The following CCND2 variants were observed in gnomAD, a reference collection of about 807,000 sequenced individuals.
CCND2 encodes the protein cyclin D2.
Under a neutral mutation model 30.2 loss-of-function variants are expected in CCND2, and 6 were observed. The ratio of observed to expected loss-of-function variants is 0.20; its 90% CI spans 0.11 to 0.39. The LOEUF (loss-of-function observed/expected upper bound fraction) is 0.39. CCND2 is among the 10% of genes least tolerant of loss of function. The probability of loss-of-function intolerance (pLI) is 1.00; values close to 1 mark genes in which losing one functional copy is unlikely to be tolerated. For synonymous variants in CCND2, 150 were observed against 153.1 expected (o/e 0.98, Z 0.15); for missense variants, 235 against 373.4 (o/e 0.63, Z 3.06).
In CCND2 at chr12:4,287,645, A is replaced by G. The variant is rs1436246309; in HGVS notation, c.572-1197A>G. Among the ~76,000 whole-genome samples, 3 of 152,284 alleles carry G rather than the reference A, an allele frequency of 2.0e-5. No individual in the cohort carries two copies. The highest frequency in any genetic ancestry group is 1.9e-4 in the East Asian group (1 of 5,184). On this transcript the variant is annotated intron_variant, in intron 3 of 4. Coordinates refer to ENST00000261254, the MANE Select transcript of CCND2 (RefSeq NM_001759.4). This position sits in a 1 kb window ranked among gnomAD's most constrained non-coding sequence, Gnocchi z 4.0. ...CGAGCAGGGGCAACTTAAACTCTCA[A>G]AAGTCTCAGGGTTCTCACCCATACC... is the stretch of plus-strand genomic sequence containing the variant.
At chr12:4,294,819 A>G (rs1295569225) in intron 4 of CCND2, among the ~76,000 whole-genome samples, 2 of 152,190 alleles carry the variant, frequency 1.3e-5, no homozygotes, top group East Asian at 3.9e-4. Flanking sequence ...GTCTTCTTAT[A>G]ATCCAGCCCC....
intron 4 of CCND2, among the ~76,000 whole-genome samples, chr12:4,294,243 C>G (rs923118836): frequency 6.6e-6 from 1 of 151,216 alleles, no homozygotes; most frequent in Non-Finnish European, 1.5e-5. Context: ...ATCACAAACA[C>G]TGCTGTGAGG....
intron 4 of CCND2, among the ~76,000 whole-genome samples, chr12:4,290,542 T>C (rs1354979262): frequency 6.6e-6 from 1 of 152,168 alleles, no homozygotes; most frequent in Non-Finnish European, 1.5e-5. Context: ...CCTCAATGCC[T>C]GGAGACAAAA....
rs377148885 is a variant in CCND2 at position 4,296,815 on chromosome 12, GA to G, written c.721-3037del. Among the ~76,000 whole-genome samples, 227 of 151,812 alleles carry G rather than the reference GA, an allele frequency of 1.5e-3. 2 individuals carry two copies. The highest frequency in any genetic ancestry group is 4.9e-3 in the African/African-American group (201 of 41,400). ...GGATTCAATGGATTCTTCTTTGCAA[GA>G]AAAAAAACAAAACAAAAAAACAGAG... is the stretch of plus-strand genomic sequence containing the variant. On this transcript the variant is annotated intron_variant, in intron 4 of 4. Transcript: ENST00000261254.
chr12:4,279,018 G>C (rs575346881), intron 3 of CCND2, 99 bp downstream of exon 3: 1 of 1,217,870 alleles, frequency 8.2e-7, no homozygotes, highest in Non-Finnish European at 1.1e-6. Context: ...TTTAGTTCAG[G>C]AGTTTGGAGG....
In CCND2 at chr12:4,276,339, T is replaced by C; in HGVS notation, c.411+119T>C. 1 of 778,514 alleles carries C rather than the reference T, an allele frequency of 1.3e-6. No homozygotes were observed. The highest frequency in any genetic ancestry group is 1.8e-5 in the South Asian group (1 of 56,726). 48.2% of individuals were successfully genotyped at this position (778,514 alleles called of 1,614,324 possible). A position where few individuals can be genotyped will look rare whatever the true frequency, so the allele number is the denominator to read the frequency against. On this transcript the variant is annotated intron_variant, in intron 2 of 4. Transcript: ENST00000261254. The surrounding 1 kb of genome is among the most constrained non-coding windows in gnomAD (Gnocchi z 4.8). ...TTGGGATCCAGAATGACCCCACCAA[T>C]AGAATTTACCCACTTATGGGCGATA...
Position 4,300,055 on chromosome 12 carries a change from CTCT to C in CCND2, c.*54_*56del, listed in dbSNP as rs768083147. On this transcript the variant is annotated 3_prime_UTR_variant, in exon 5 of 5. Transcript: ENST00000261254. ...GAGAGAGACGCGTCCATAATCTGGT[CTCT>C]TCTTCTTTCTGGTTGTTTTTGTTCT... 82 of 1,556,528 alleles carry C rather than the reference CTCT, an allele frequency of 5.3e-5. No individual in the cohort carries two copies. In the African/African-American group the frequency reaches 7.1e-4, roughly 13 times the overall value.
chr12:4,295,008 G>T (rs766504956), intron 4 of CCND2, among the ~76,000 whole-genome samples: 1 of 152,162 alleles, frequency 6.6e-6, no homozygotes, highest in Non-Finnish European at 1.5e-5. Context: ...TGTGGAGTTG[G>T]CATGTCCAGT....
At chr12:4,297,177 C>T (rs1243041528) in intron 4 of CCND2, among the ~76,000 whole-genome samples, 1 of 150,396 alleles carries the variant, frequency 6.6e-6, no homozygotes, top group Non-Finnish European at 1.5e-5. Flanking sequence ...TGTGCCTTAA[C>T]CCCCACATTC....
At position 4,300,047 on chromosome 12, in the gene CCND2, A is replaced by T; in HGVS notation, c.*38A>T. On this transcript the variant is annotated 3_prime_UTR_variant, in exon 5 of 5. Coordinates refer to ENST00000261254, the MANE Select transcript of CCND2 (RefSeq NM_001759.4). Reference sequence around the variant, plus strand: ...GGCCGAAAGAGAGAGACGCGTCCATAATCTGGTCTCTTCTTCTTTCTGGTT... The same window carrying T: ...GGCCGAAAGAGAGAGACGCGTCCATTATCTGGTCTCTTCTTCTTTCTGGTT... The T allele has an allele frequency of 6.3e-7, 1 of 1,584,618 alleles. No individual in the cohort carries two copies. Among genetic ancestry groups the T allele is most frequent in the Non-Finnish European group, 8.6e-7 (1 of 1,162,712 alleles).
rs184042055 is a variant in CCND2, at chr12:4,289,284, T to C, written c.720+294T>C. The C allele has an allele frequency of 3.4e-3, 719 of 210,430 alleles. 8 individuals carry two copies. Among genetic ancestry groups the C allele is most frequent in the African/African-American group, 0.016 (685 of 42,720 alleles). The allele number at this position is 210,430 out of a possible 1,614,324, so 13.0% of individuals were successfully genotyped here. ...CTTCTCAGTGGGTCTGAATTGTTGC[T>C]TCATTGCCATATTTGTACACGCTGC... On this transcript the variant is annotated intron_variant, in intron 4 of 4. Coordinates refer to ENST00000261254, the MANE Select transcript of CCND2 (RefSeq NM_001759.4).
In CCND2 at chr12:4,282,457, G is replaced by A. The variant is rs561879138; in HGVS notation, c.571+3538G>A. On this transcript the variant is annotated intron_variant, in intron 3 of 4. Coordinates refer to ENST00000261254, the MANE Select transcript of CCND2 (RefSeq NM_001759.4). The surrounding 1 kb of genome is among the most constrained non-coding windows in gnomAD (Gnocchi z 4.3). Reference sequence around the variant, plus strand: ...TCCCTCAGATTCCATCGCCAAGTGAGAGGGAGACAGTGGTGGCCCAGAGAA... The same window carrying A: ...TCCCTCAGATTCCATCGCCAAGTGAAAGGGAGACAGTGGTGGCCCAGAGAA... Among the ~76,000 whole-genome samples the A allele has an allele frequency of 6.6e-6, 1 of 152,356 alleles. No homozygotes were observed. Among genetic ancestry groups the A allele is most frequent in the Admixed American group, 6.5e-5 (1 of 15,312 alleles).
At chr12:4,297,836 C>T in intron 4 of CCND2, 1 of 453,116 alleles carries the variant, frequency 2.2e-6, no homozygotes, top group Non-Finnish European at 4.4e-6. Flanking sequence ...TTAGCAAGTC[C>T]CAGAGGCCAG....
At chr12:4,281,115 G>A (rs1170864860) in intron 3 of CCND2, among the ~76,000 whole-genome samples, 1 of 152,220 alleles carries the variant, frequency 6.6e-6, no homozygotes, top group African/African-American at 2.4e-5. Flanking sequence ...GACTAGGAAA[G>A]GACACCCCCA....
At chr12:4,286,493 CGGGCAACAGA>C (rs1005689698) in intron 3 of CCND2, among the ~76,000 whole-genome samples, 11 of 152,158 alleles carry the variant, frequency 7.2e-5, no homozygotes, top group African/African-American at 2.7e-4. Context: ...TTCTGTGTAG[CGGGCAACAGA>C]GGGCAGCACG....
chr12:4,289,095 G>A, intron 4 of CCND2, 105 bp downstream of exon 4: 1 of 1,164,718 alleles, frequency 8.6e-7, no homozygotes, highest in Non-Finnish European at 1.2e-6. Flanking sequence ...TTTCTGGTTT[G>A]TTTCCTAAGA....
chr12:4,288,939 C>T lies in CCND2; in HGVS notation c.669C>T (p.Leu223=). The T allele has an allele frequency of 6.2e-7, 1 of 1,613,948 alleles. No individual in the cohort carries two copies. The highest frequency in any genetic ancestry group is 8.5e-7 in the Non-Finnish European group (1 of 1,179,950). ...AGCAGGATGAGGAAGTGAGCTCGCT[C>T]ACTTGTGATGCCCTGACTGAGCTGC... ...GLQQDEEVSS[L]TCDALTELLA... The change falls in exon 4 of 5, where the codon CTC becomes CTT. Residue 223 remains leucine (L), a synonymous_variant. Coordinates refer to ENST00000261254, the MANE Select transcript of CCND2 (RefSeq NM_001759.4).
rs1349604311 is a variant in CCND2, at chr12:4,304,737, G to A, written c.*4728G>A. 8.6e-6 allele frequency: 2 copies of A among 233,612 alleles called. No individual in the cohort carries two copies. The highest frequency in any genetic ancestry group is 1.7e-5 in the Non-Finnish European group (2 of 118,056). The allele number at this position is 233,612 out of a possible 1,614,324, so 14.5% of individuals were successfully genotyped here. A position where few individuals can be genotyped will look rare whatever the true frequency, so the allele number is the denominator to read the frequency against. On this transcript the variant is annotated 3_prime_UTR_variant, in exon 5 of 5. Transcript: ENST00000261254. The surrounding 1 kb of genome is among the most constrained non-coding windows in gnomAD (Gnocchi z 6.2). ...CTGCAGCCTACTTTGGGGAAATAAA[G>A]TGCCTTACTGACTGTAGCCATTACA...
In CCND2 at chr12:4,276,160, G is replaced by T. The variant is rs763529306; in HGVS notation, c.351G>T (p.Pro117=). The T allele has an allele frequency of 2.5e-6, 4 of 1,614,170 alleles. No individual in the cohort carries two copies. In the East Asian group the frequency reaches 8.9e-5, roughly 36 times the overall value. Residue 117 remains proline, a synonymous_variant, in exon 2 of 5, where the codon CCG becomes CCT. Transcript: ENST00000261254. This position sits in a 1 kb window ranked among gnomAD's most constrained non-coding sequence, Gnocchi z 4.8. ...CCTCCAAACTCAAAGAGACCAGCCCGCTGACCGCGGAGAAGCTGTGCATTT... is the reference window on the plus strand; with the variant it reads ...CCTCCAAACTCAAAGAGACCAGCCCTCTGACCGCGGAGAAGCTGTGCATTT... ...FLASKLKETS[P]LTAEKLCIYT...
Sources: allele counts gnomAD v4.1 joint callset (sites outside exome capture counted in the v4.1 genomes callset), GRCh38; gene constraint gnomAD v4.1.1; non-coding constraint Gnocchi (gnomAD v3.1); transcripts MANE v1.5; gene names NCBI Gene and HGNC (gene_info 2026-07-23, HGNC 2026-07-21).